Variants in SEMA4D observed in about 807,000 individuals in gnomAD.
SEMA4D encodes semaphorin-4D.
Under a neutral mutation model 74.8 loss-of-function variants are expected in SEMA4D, and 22 were observed. The ratio of observed to expected loss-of-function variants is 0.29; its 90% CI spans 0.21 to 0.42. The LOEUF (loss-of-function observed/expected upper bound fraction) is 0.42, where lower values mean the gene tolerates loss of function less well. Ranked by LOEUF, SEMA4D falls within the 10% of genes least tolerant of loss-of-function variation. The probability of loss-of-function intolerance (pLI) is 1.00; values close to 1 mark genes in which losing one functional copy is unlikely to be tolerated. For missense variants in SEMA4D, 937 were observed against 1,118.4 expected (o/e 0.84, Z 2.31); for synonymous variants, 445 against 463.7 (o/e 0.96, Z 0.52).
chr9:89,388,782 C>A lies in SEMA4D; in HGVS notation c.961G>T (p.Gly321Trp), dbSNP rs747060513. The A allele has an allele frequency of 1.2e-6, 2 of 1,605,882 alleles. No homozygotes were observed. The highest frequency in any genetic ancestry group is 1.7e-6 in the Non-Finnish European group (2 of 1,174,222). The stretch of plus-strand genomic sequence containing the variant: ...TTGTAGGCGCACACTGCCGACAGCC[C>A]CACGTTGTTCCTGGGGAGGGGAAAG... ...ALFTPQLNNV[G>W]LSAVCAYNLS... The change falls in exon 11 of 16, where the codon GGG (glycine) becomes TGG (tryptophan). Residue 321 changes from glycine (G) to tryptophan (W), a missense_variant. Gly to Trp is a radical substitution (Grantham distance 184). Coordinates refer to ENST00000422704, the MANE Select transcript of SEMA4D (RefSeq NM_001371194.2).
At chr9:89,454,042 AG>A (rs1294675039) in intron 2 of SEMA4D, among the ~76,000 whole-genome samples, 1 of 152,104 alleles carries the variant, frequency 6.6e-6, no homozygotes, top group African/African-American at 2.4e-5. Context: ...TATTTTTAGT[AG>A]AGACAGGGTT....
intron 1 of SEMA4D, among the ~76,000 whole-genome samples, chr9:89,476,096 C>T (rs772145714): frequency 4.6e-5 from 7 of 152,288 alleles, no homozygotes; most frequent in Non-Finnish European, 8.8e-5. Flanking sequence ...CCCCGGACCT[C>T]GCTCCTGGTG....
chr9:89,458,721 G>A (rs1213770802), intron 1 of SEMA4D, among the ~76,000 whole-genome samples: 4 of 151,202 alleles, frequency 2.6e-5, no homozygotes, highest in Non-Finnish European at 1.5e-5. Flanking sequence ...ATCCAAACAC[G>A]CACATCCATA....
chr9:89,482,073 A>C (rs564197505), intron 1 of SEMA4D, among the ~76,000 whole-genome samples: 1 of 152,236 alleles, frequency 6.6e-6, no homozygotes, highest in Non-Finnish European at 1.5e-5. Flanking sequence ...GAGGGGATCC[A>C]CTGCAAAGTA....
At chr9:89,414,744 A>C (rs1236626694) in intron 2 of SEMA4D, among the ~76,000 whole-genome samples, 1 of 152,222 alleles carries the variant, frequency 6.6e-6, no homozygotes, top group African/African-American at 2.4e-5. Context: ...CCAACACTCC[A>C]GCTCTGCAGG....
At chr9:89,447,407 C>G (rs568019478) in intron 2 of SEMA4D, among the ~76,000 whole-genome samples, 1 of 152,174 alleles carries the variant, frequency 6.6e-6, no homozygotes, top group South Asian at 2.1e-4. Flanking sequence ...CTCCCCAAAG[C>G]TGAGATGCCT....
At chr9:89,380,243 G>A (rs1326337842) in intron 15 of SEMA4D, among the ~76,000 whole-genome samples, 1 of 152,130 alleles carries the variant, frequency 6.6e-6, no homozygotes, top group Admixed American at 6.5e-5. Flanking sequence ...ACGTTGCCCA[G>A]GGTAGTCTCG....
In SEMA4D at chr9:89,402,635, T is replaced by C. The variant is rs537824460; in HGVS notation, c.252+236A>G. Among the ~76,000 whole-genome samples the C allele has an allele frequency of 7.9e-5, 12 of 151,696 alleles. 1 individual carries two copies. The highest frequency in any genetic ancestry group is 3.4e-3 in the Middle Eastern group (1 of 292). The stretch of plus-strand genomic sequence containing the variant: ...GTGGGCACAGGGCTCATGGCATAGC[T>C]GTCTCTGCTCATAGGTATGTTTGAG... On this transcript the variant is annotated intron_variant, in intron 4 of 15. Transcript: ENST00000422704.
intron 16 of SEMA4D, among the ~76,000 whole-genome samples, chr9:89,366,689 T>C (rs1403300498): frequency 3.3e-5 from 5 of 152,248 alleles, no homozygotes; most frequent in African/African-American, 7.2e-5. Context: ...GGAATAGATA[T>C]TCCCTTTCCC....
At chr9:89,394,185 A>G (rs904759713) in intron 6 of SEMA4D, among the ~76,000 whole-genome samples, 3 of 152,242 alleles carry the variant, frequency 2.0e-5, no homozygotes, top group African/African-American at 7.2e-5. Context: ...GCACTGTACT[A>G]AAACAGAGCA....
At chr9:89,445,500 G>C (rs1022431524) in intron 2 of SEMA4D, among the ~76,000 whole-genome samples, 2 of 152,244 alleles carry the variant, frequency 1.3e-5, no homozygotes, top group African/African-American at 4.8e-5. Context: ...CCCCAGGGGA[G>C]ACTCCCTTCC....
intron 15 of SEMA4D, among the ~76,000 whole-genome samples, 159 bp downstream of exon 15, chr9:89,380,896 A>T (rs1365252504): frequency 2.0e-5 from 3 of 152,244 alleles, no homozygotes; most frequent in African/African-American, 7.2e-5. Flanking sequence ...AGAAAAAAAG[A>T]CAGAGAAGAC....
intron 2 of SEMA4D, among the ~76,000 whole-genome samples, chr9:89,454,469 T>A (rs543557459): frequency 2.6e-5 from 4 of 151,736 alleles, no homozygotes; most frequent in Non-Finnish European, 5.9e-5. Context: ...CTAGCAGGAG[T>A]GGACCTTGGG....
chr9:89,450,132 C>A, intron 2 of SEMA4D: 2 of 1,260,866 alleles, frequency 1.6e-6, no homozygotes, highest in Non-Finnish European at 2.3e-6. Flanking sequence ...CCAGCTGAAG[C>A]AGCATGTCAT....
In SEMA4D at chr9:89,388,974, C is replaced by A. The variant is rs183382591; in HGVS notation, c.848G>T (p.Arg283Leu). 5 of 1,613,958 alleles carry A rather than the reference C, an allele frequency of 3.1e-6. No homozygotes were observed. ...SFLKARLICS[R>L]PDSGLVFNVL... ...ATTGAAGACCAAGCCGCTGTCTGGCCGGGAGCAGATGAGTCGGGCTTTCAG... is the reference window on the plus strand; with the variant it reads ...ATTGAAGACCAAGCCGCTGTCTGGCAGGGAGCAGATGAGTCGGGCTTTCAG... The change falls in exon 10 of 16, where the codon CGG (arginine) becomes CTG (leucine). Residue 283 changes from arginine to leucine, a missense_variant. Physicochemically the swap from Arg to Leu is moderately radical, Grantham distance 102. Transcript: ENST00000422704.
intron 1 of SEMA4D, among the ~76,000 whole-genome samples, chr9:89,458,167 T>C (rs1856399766): frequency 6.6e-6 from 1 of 152,184 alleles, no homozygotes; most frequent in Non-Finnish European, 1.5e-5. Flanking sequence ...CACGGTGGCC[T>C]TACGTATGCA....
chr9:89,445,943 C>A (rs1391022164), intron 2 of SEMA4D, among the ~76,000 whole-genome samples: 1 of 152,116 alleles, frequency 6.6e-6, no homozygotes, highest in Non-Finnish European at 1.5e-5. Context: ...AGCACTGCAC[C>A]CCCAGCAGGA....
chr9:89,485,788 C>CAA (rs56056536), intron 1 of SEMA4D, among the ~76,000 whole-genome samples: 6 of 76,840 alleles, frequency 7.8e-5, no homozygotes, highest in African/African-American at 1.5e-4. Context: ...AACTCCATCT[C>CAA]AAAAAAAAAA....
chr9:89,480,644 C>T (rs973529960), intron 1 of SEMA4D, among the ~76,000 whole-genome samples: 9 of 152,350 alleles, frequency 5.9e-5, no homozygotes, highest in African/African-American at 9.6e-5. Context: ...GTACACCCTC[C>T]GCAGCCACTG....
Sources: allele counts gnomAD v4.1 joint callset (sites outside exome capture counted in the v4.1 genomes callset), GRCh38; gene constraint gnomAD v4.1.1; transcripts MANE v1.5; gene names NCBI Gene and HGNC (gene_info 2026-07-23, HGNC 2026-07-21).